The following RILPL1 variants were observed in gnomAD, a reference collection of about 807,000 sequenced individuals.
RILPL1 encodes the protein Rab interacting lysosomal protein like 1.
Under a neutral mutation model 50.3 loss-of-function variants are expected in RILPL1, and 33 were observed. The observed-to-expected ratio is 0.66, with a 90% confidence interval of 0.50 to 0.88. The LOEUF (loss-of-function observed/expected upper bound fraction) is 0.88, where lower values mean the gene tolerates loss of function less well. Among genes scored for constraint, RILPL1 ranks in the 40% least tolerant of loss-of-function variants. The probability of loss-of-function intolerance (pLI) is 0.00; values close to 1 mark genes in which losing one functional copy is unlikely to be tolerated. For missense variants in RILPL1, 418 were observed against 542.5 expected (o/e 0.77, Z 2.28); for synonymous variants, 205 against 228.6 (o/e 0.90, Z 0.93).
In RILPL1 at chr12:123,483,233, C is replaced by A. The variant is rs547706797; in HGVS notation, c.1067+947G>T. ...GAGAATGCAGCTCCAACACTGCAAGCACAAGGCTGTCTTGCAGAGAGCTCA... is the reference window on the plus strand; with the variant it reads ...GAGAATGCAGCTCCAACACTGCAAGAACAAGGCTGTCTTGCAGAGAGCTCA... On this transcript the variant is annotated intron_variant, in intron 6 of 6. Transcript: ENST00000376874. 5.3e-5 allele frequency among the ~76,000 whole-genome samples: 8 copies of A among 152,354 alleles called. No individual in the cohort carries two copies. In the East Asian group the frequency reaches 1.5e-3, roughly 29 times the overall value.
At chr12:123,517,197 G>A (rs1272636725) in intron 2 of RILPL1, among the ~76,000 whole-genome samples, 1 of 152,146 alleles carries the variant, frequency 6.6e-6, no homozygotes, top group Non-Finnish European at 1.5e-5. Context: ...CCACAGGTGA[G>A]GATGCCGACA....
Position 123,523,514 on chromosome 12 carries a change from C to T in RILPL1, c.441G>A (p.Glu147=), listed in dbSNP as rs1443385976. The T allele has an allele frequency of 1.2e-6, 2 of 1,614,026 alleles. No homozygotes were observed. Among genetic ancestry groups the T allele is most frequent in the Non-Finnish European group, 8.5e-7 (1 of 1,179,882 alleles). The change falls in exon 2 of 7, where the codon GAG becomes GAA. Residue 147 remains glutamate (E), a synonymous_variant. Transcript: ENST00000376874. ...ACTTACCTTCATGCTTCTGGAACTC[C>T]TCCTCTGAGAAATTGACATCCTTGT... ...LSHKDVNFSE[E]EFQKHEGMSE... is the part of the protein sequence containing the mutation.
At chr12:123,502,622 C>T (rs1304268397) in intron 2 of RILPL1, among the ~76,000 whole-genome samples, 2 of 151,682 alleles carry the variant, frequency 1.3e-5, no homozygotes, top group Non-Finnish European at 2.9e-5. Flanking sequence ...CCTATCTGCC[C>T]TAGTCACTGT....
At position 123,475,518 on chromosome 12, in the gene RILPL1, C is replaced by G. The variant is rs539655080; in HGVS notation, c.1068-2836G>C. ...AGCCAGTGGCACAGCTGAAATCACA[C>G]TCAACATCCACGTCAAATGGAGCAC... On this transcript the variant is annotated intron_variant, in intron 6 of 6. Coordinates refer to ENST00000376874, the MANE Select transcript of RILPL1 (RefSeq NM_178314.5). 4.6e-6 allele frequency: 3 copies of G among 648,736 alleles called. No homozygotes were observed. In the South Asian group the frequency reaches 5.1e-5, roughly 11 times the overall value. 40.2% of individuals were successfully genotyped at this position (648,736 alleles called of 1,614,324 possible).
At chr12:123,490,665 C>T (rs1046597987) in intron 4 of RILPL1, among the ~76,000 whole-genome samples, 17 of 151,832 alleles carry the variant, frequency 1.1e-4, no homozygotes, top group Non-Finnish European at 1.8e-4. Context: ...TTCGGACTCC[C>T]GGGCTTAAAC....
At chr12:123,513,303 C>A in intron 2 of RILPL1, 1 of 335,744 alleles carries the variant, frequency 3.0e-6, no homozygotes, top group Non-Finnish European at 6.3e-6. Context: ...CCCCCGCCTG[C>A]CATTTGAACA....
intron 6 of RILPL1, chr12:123,475,576 G>C (rs959682761): frequency 7.2e-6 from 6 of 837,720 alleles, no homozygotes; most frequent in African/African-American, 3.4e-5. Context: ...AAGTGGCCAG[G>C]GGGAGACAGG....
At chr12:123,500,278 CTTTTTT>C (rs61119415) in intron 2 of RILPL1, among the ~76,000 whole-genome samples, 8 of 88,280 alleles carry the variant, frequency 9.1e-5, no homozygotes, top group Admixed American at 6.6e-4. Context: ...GTGTCCCTTT[CTTTTTT>C]TTTTTTTTTT....
At chr12:123,528,513 C>T (rs1007890390) in intron 1 of RILPL1, among the ~76,000 whole-genome samples, 5 of 151,616 alleles carry the variant, frequency 3.3e-5, no homozygotes, top group East Asian at 2.0e-4. Flanking sequence ...CTGCAAGCTC[C>T]GCCTCCCGGG....
chr12:123,476,423 A>G (rs992363217), intron 6 of RILPL1, among the ~76,000 whole-genome samples: 3 of 149,246 alleles, frequency 2.0e-5, no homozygotes, highest in African/African-American at 7.4e-5. Flanking sequence ...CCTGGGCAAC[A>G]AGAGCAAAAC....
rs1235023321 is a variant in RILPL1, at chr12:123,512,458, ATGTG to A, written c.460+11033_460+11036del. ...TGTGTGTGTGGTGTGTGAGGTCTGT[ATGTG>A]TGTGTGAGGGCTGTGTGTGAGGTCT... On this transcript the variant is annotated intron_variant, in intron 2 of 6. Transcript: ENST00000376874. Among the ~76,000 whole-genome samples the A allele has an allele frequency of 6.4e-3, 370 of 57,756 alleles. 2 individuals are homozygous for A. Among genetic ancestry groups the A allele is most frequent in the African/African-American group, 0.024 (345 of 14,524 alleles). 37.9% of individuals were successfully genotyped at this position (57,756 alleles called of 152,430 possible).
At chr12:123,518,240 A>G (rs1884820641) in intron 2 of RILPL1, 1 of 320,760 alleles carries the variant, frequency 3.1e-6, no homozygotes, top group Non-Finnish European at 6.2e-6. Flanking sequence ...GCGGTTGCTC[A>G]CACCTGTAAT....
At chr12:123,505,738 T>C (rs1403141634) in intron 2 of RILPL1, among the ~76,000 whole-genome samples, 1 of 152,162 alleles carries the variant, frequency 6.6e-6, no homozygotes, top group African/African-American at 2.4e-5. Context: ...TCCTCCCACC[T>C]CAGCCTCTGA....
intron 2 of RILPL1, among the ~76,000 whole-genome samples, chr12:123,516,033 C>CAAAAAACAAAAAAAAAAAAAA (rs1884671590): frequency 2.8e-5 from 1 of 36,174 alleles, no homozygotes; most frequent in Admixed American, 3.4e-4. Flanking sequence ...GACTCTGTCT[C>CAAAAAACAAAAAAAAAAAAAA]AAAAAAAAAA....
chr12:123,486,149 C>T (rs748859269), intron 4 of RILPL1, among the ~76,000 whole-genome samples: 2 of 152,214 alleles, frequency 1.3e-5, no homozygotes, highest in Admixed American at 6.5e-5. Context: ...CTGCTTCCCC[C>T]TTTCCAGGCC....
intron 2 of RILPL1, among the ~76,000 whole-genome samples, chr12:123,512,169 G>GTA (rs1884345364): frequency 7.0e-6 from 1 of 143,306 alleles, no homozygotes. Flanking sequence ...TGTGAGGTCT[G>GTA]TGTGTGTGTG....
Position 123,484,283 on chromosome 12 carries a change from A to G in RILPL1, c.975-11T>C. On this transcript the variant is annotated splice_polypyrimidine_tract_variant and intron_variant, in intron 5 of 6. Coordinates refer to ENST00000376874, the MANE Select transcript of RILPL1 (RefSeq NM_178314.5). Reference sequence around the variant, plus strand: ...TCTTCCATTTCTTCACTGGAAGGAGATGAGAGGCGTGAGATAAAAGAGTCA... The same window carrying G: ...TCTTCCATTTCTTCACTGGAAGGAGGTGAGAGGCGTGAGATAAAAGAGTCA... The G allele has an allele frequency of 1.3e-6, 2 of 1,564,616 alleles. No homozygotes were observed. The highest frequency in any genetic ancestry group is 1.3e-5 in the African/African-American group (1 of 74,100).
rs920455979 is a variant in RILPL1 at position 123,514,955 on chromosome 12, G to A, written c.460+8540C>T. 7.9e-5 allele frequency among the ~76,000 whole-genome samples: 12 copies of A among 151,414 alleles called. No individual in the cohort carries two copies. In the South Asian group the frequency reaches 2.3e-3, roughly 29 times the overall value. ...ATACTTTTTTTTTTTTTAAGAGACA[G>A]GGTCTTGCTCTGTTGCCCAGGCTGG... On this transcript the variant is annotated intron_variant, in intron 2 of 6. Transcript: ENST00000376874.
chr12:123,476,381 C>T (rs1450047342), intron 6 of RILPL1, among the ~76,000 whole-genome samples: 5 of 147,662 alleles, frequency 3.4e-5, no homozygotes, highest in African/African-American at 5.0e-5. Flanking sequence ...GTGGAGGTTG[C>T]GGTGAGCCGA....
Sources: gnomAD v4.1 joint callset for allele counts (sites outside exome capture counted in the v4.1 genomes callset) on GRCh38, gnomAD v4.1.1 for gene constraint, MANE v1.5 for transcripts, NCBI Gene and HGNC (gene_info 2026-07-23, HGNC 2026-07-21) for gene names.